FGD1: variants seen among roughly 807,000 people sequenced by gnomAD.
FGD1 encodes the protein FYVE, RhoGEF and PH domain containing 1.
Under a neutral mutation model 65.0 loss-of-function variants are expected in FGD1, and 12 were observed. The ratio of observed to expected loss-of-function variants is 0.18; its 90% CI spans 0.12 to 0.30. The LOEUF (loss-of-function observed/expected upper bound fraction) is 0.30. Ranked by LOEUF, FGD1 falls within the 10% of genes least tolerant of loss-of-function variation. FGD1 has a pLI of 1.00. For missense variants in FGD1, 542 were observed against 837.6 expected (o/e 0.65, Z 4.36); for synonymous variants, 333 against 343.9 (o/e 0.97, Z 0.35).
intron 1 of FGD1, among the ~76,000 whole-genome samples, chrX:54,473,963 G>T (rs986951907): frequency 9.1e-6 from 1 of 109,472 alleles, no homozygotes; most frequent in African/African-American, 3.3e-5. Flanking sequence ...CAGCCTGGGC[G>T]ACAGAGACTC....
chrX:54,448,905 G>A lies in FGD1; in HGVS notation c.2337C>T (p.Asn779=). ...CCACATAGCAATCAGTGCACACACG[G>A]TTGGAGCGGTTGTTGTCATAGACGA... ...ARLVYDNNRS[N]RVCTDCYVAL... is the part of the protein sequence containing the mutation. Residue 779 remains asparagine, a synonymous_variant, in exon 16 of 18, where the codon AAC becomes AAT. Transcript: ENST00000375135. The A allele has an allele frequency of 8.3e-7, 1 of 1,211,621 alleles. No individual in the cohort carries two copies. The highest frequency in any genetic ancestry group is 1.7e-5 in the African/African-American group (1 of 57,967).
In FGD1 at chrX:54,471,345, T is replaced by C. The variant is rs1922889318; in HGVS notation, c.450A>G (p.Pro150=). The C allele has an allele frequency of 1.7e-6, 2 of 1,209,331 alleles. No individual in the cohort carries two copies. Among genetic ancestry groups the C allele is most frequent in the South Asian group, 3.5e-5 (2 of 56,816 alleles). Residue 150 remains proline (P), a synonymous_variant, in exon 2 of 18, where the codon CCA becomes CCG. Coordinates refer to ENST00000375135, the MANE Select transcript of FGD1 (RefSeq NM_004463.3). The stretch of plus-strand genomic sequence containing the variant: ...GCTTCGGGCCCGGTGCCCGCTTCAG[T>C]GGTGAAGGACGCTGGCTAGGGGTTT... ...PTETPSQRPS[P]LKRAPGPKPQ...
At position 54,459,606 on chromosome X, in the gene FGD1, A is replaced by C. The variant is rs1229587809; in HGVS notation, c.1637-3039T>G. Among the ~76,000 whole-genome samples the C allele has an allele frequency of 4.5e-5, 5 of 110,857 alleles. No individual in the cohort carries two copies. The South Asian group carries it at 1.9e-3, about 42-fold the overall frequency. ...TGATTCAGTGAGGCTCAGCCTGGGG[A>C]ATTTAGTCTGAGGTGTAAAAAATTG... On this transcript the variant is annotated intron_variant, in intron 8 of 17. Coordinates refer to ENST00000375135, the MANE Select transcript of FGD1 (RefSeq NM_004463.3).
chrX:54,448,000 TTAAA>T (rs1922277496), intron 16 of FGD1, among the ~76,000 whole-genome samples: 1 of 111,602 alleles, frequency 9.0e-6, no homozygotes, highest in South Asian at 3.7e-4. Flanking sequence ...CTTTTAAGTG[TTAAA>T]TAAATACCTA....
chrX:54,459,995 G>A (rs778377010), intron 8 of FGD1, among the ~76,000 whole-genome samples: 1 of 109,610 alleles, frequency 9.1e-6, no homozygotes, highest in East Asian at 2.8e-4. Context: ...GGCCAGGCAC[G>A]GTGGCTCACG....
At chrX:54,468,920 G>A (rs781520922) in intron 4 of FGD1, 44 bp from the exon 5 acceptor site, 41 of 981,961 alleles carry the variant, frequency 4.2e-5, no homozygotes, top group African/African-American at 3.8e-4. Flanking sequence ...ATCCTCTATC[G>A]TAACCCTCAC....
At chrX:54,479,871 T>G (rs982197483) in intron 1 of FGD1, among the ~76,000 whole-genome samples, 1 of 109,369 alleles carries the variant, frequency 9.1e-6, no homozygotes, top group African/African-American at 3.3e-5. Context: ...CACTCCGCCT[T>G]CAAGGCCAGA....
chrX:54,448,646 T>C, intron 16 of FGD1, among the ~76,000 whole-genome samples, 160 bp downstream of exon 16: 1 of 112,554 alleles, frequency 8.9e-6, no homozygotes, highest in East Asian at 2.8e-4. Context: ...TACTTAAAGA[T>C]GACTGTCTTT....
At chrX:54,491,374 G>A (rs1395298198) in intron 1 of FGD1, among the ~76,000 whole-genome samples, 1 of 112,078 alleles carries the variant, frequency 8.9e-6, no homozygotes, top group Admixed American at 9.5e-5. Context: ...TGAGAATAAG[G>A]GTAAACTGAG....
chrX:54,475,296 G>A (rs1037132594), intron 1 of FGD1, among the ~76,000 whole-genome samples: 1 of 112,619 alleles, frequency 8.9e-6, no homozygotes, highest in East Asian at 2.8e-4. Flanking sequence ...CAAGGTCACA[G>A]AGCAAATCAA....
Position 54,496,146 on chromosome X carries a change from G to C in FGD1, c.-714C>G, listed in dbSNP as rs1923539853. Reference sequence around the variant, plus strand: ...CAGCTTCAGCCTGGGTCTCGGCGGCGGCGGGCGGGAAGGAGCCCTGGGAAG... The same window carrying C: ...CAGCTTCAGCCTGGGTCTCGGCGGCCGCGGGCGGGAAGGAGCCCTGGGAAG... On this transcript the variant is annotated 5_prime_UTR_variant, in exon 1 of 18. Transcript: ENST00000375135. The C allele has an allele frequency of 9.1e-6, 1 of 110,090 alleles. No homozygotes were observed. The highest frequency in any genetic ancestry group is 3.3e-5 in the African/African-American group (1 of 30,295). The allele number at this position is 110,090 out of a possible 1,213,427, so 9.1% of individuals were successfully genotyped here.
chrX:54,456,499 G>A lies in FGD1; in HGVS notation c.1695+10C>T, dbSNP rs758697188. The A allele has an allele frequency of 2.5e-6, 3 of 1,210,716 alleles. No homozygotes were observed. The highest frequency in any genetic ancestry group is 3.4e-6 in the Non-Finnish European group (3 of 894,636). On this transcript the variant is annotated intron_variant, in intron 9 of 17. Transcript: ENST00000375135. ...GCCAAGGAAGGGCAGGGGCTAGAAGGGCCACTCACCATTTTGCGGATGGCA... is the reference window on the plus strand; with the variant it reads ...GCCAAGGAAGGGCAGGGGCTAGAAGAGCCACTCACCATTTTGCGGATGGCA...
At chrX:54,486,396 G>T (rs1477871054) in intron 1 of FGD1, among the ~76,000 whole-genome samples, 1 of 111,588 alleles carries the variant, frequency 9.0e-6, no homozygotes, top group Non-Finnish European at 1.9e-5. Context: ...CTACAGGCAT[G>T]CGCCACCACG....
intron 1 of FGD1, among the ~76,000 whole-genome samples, chrX:54,475,238 C>T: frequency 8.9e-6 from 1 of 112,173 alleles, no homozygotes; most frequent in Non-Finnish European, 1.9e-5. Context: ...ATTGTCAGCC[C>T]AGTTTCTAGT....
intron 8 of FGD1, among the ~76,000 whole-genome samples, chrX:54,461,398 C>T (rs1444744705): frequency 2.8e-5 from 3 of 107,556 alleles, no homozygotes; most frequent in African/African-American, 1.0e-4. Context: ...GTCAGGAGTT[C>T]GAGACCAGCT....
intron 1 of FGD1, among the ~76,000 whole-genome samples, chrX:54,475,229 T>C (rs1601957062): frequency 8.9e-6 from 1 of 112,021 alleles, no homozygotes; most frequent in African/African-American, 3.2e-5. Flanking sequence ...GGAAAAGAGA[T>C]TGTCAGCCCA....
At chrX:54,452,115 A>C (rs1260445224) in intron 12 of FGD1, among the ~76,000 whole-genome samples, 1 of 106,225 alleles carries the variant, frequency 9.4e-6, no homozygotes, top group Non-Finnish European at 1.9e-5. Context: ...AAAAATACGA[A>C]AATTAGCTGG....
chrX:54,468,023 G>A lies in FGD1; in HGVS notation c.1192-91C>T, dbSNP rs752817571. On this transcript the variant is annotated intron_variant, in intron 5 of 17. Transcript: ENST00000375135. ...CAGTATTTGTGGGGAGGCTTGTGGA[G>A]CTTTGGGATCAGCATTGGTCTTGAG... 1.9e-5 allele frequency: 16 copies of A among 850,230 alleles called. No homozygotes were observed. The South Asian group carries it at 3.1e-4, about 16-fold the overall frequency. 70.1% of individuals were successfully genotyped at this position (850,230 alleles called of 1,213,427 possible). A position where few individuals can be genotyped will look rare whatever the true frequency, so the allele number is the denominator to read the frequency against.
At position 54,455,428 on chromosome X, in the gene FGD1, G is replaced by C; in HGVS notation, c.2015+20C>G. ...AAGGGAGGTAGGCGCTGGAGGAAAG[G>C]CATAGGCAAGGATAAGTACCTGGCC... On this transcript the variant is annotated intron_variant, in intron 12 of 17. Transcript: ENST00000375135. 8.6e-7 allele frequency: 1 copy of C among 1,167,316 alleles called. No homozygotes were observed. Among genetic ancestry groups the C allele is most frequent in the African/African-American group, 1.8e-5 (1 of 57,094 alleles).
Sources: gnomAD v4.1 joint callset for allele counts (sites outside exome capture counted in the v4.1 genomes callset) on GRCh38, gnomAD v4.1.1 for gene constraint, MANE v1.5 for transcripts, NCBI Gene and HGNC (gene_info 2026-07-23, HGNC 2026-07-21) for gene names.